Variants in ADGRL3 observed in about 807,000 individuals in gnomAD.
ADGRL3 encodes calcium-independent alpha-latrotoxin receptor 3.
ADGRL3 carries 62 observed loss-of-function variants against 153.5 expected under a neutral mutation model. The observed-to-expected ratio is 0.40, with a 90% CI of 0.33 to 0.50. ADGRL3 has a LOEUF of 0.50. Among genes scored for constraint, ADGRL3 ranks in the 20% least tolerant of loss-of-function variants. ADGRL3 has a pLI of 0.47. For missense variants in ADGRL3, 1,641 were observed against 1,859.4 expected, an observed-to-expected ratio of 0.88 and a Z score of 2.16; for synonymous variants, 710 against 672.5, an observed-to-expected ratio of 1.06 and a Z score of -0.86.
intron 8 of ADGRL3, among the ~76,000 whole-genome samples, chr4:61,774,357 CAAAAA>C (rs372436258): frequency 1.7e-5 from 1 of 60,192 alleles, no homozygotes; most frequent in African/African-American, 4.4e-5. Flanking sequence ...AACTCTGTCT[CAAAAA>C]AAAAAAAAAG....
chr4:61,987,149 A>T (rs201257357), intron 19 of ADGRL3, among the ~76,000 whole-genome samples: 255 of 33,260 alleles, frequency 7.7e-3, no homozygotes, highest in East Asian at 0.057. Context: ...ATTTTATTTT[A>T]TTTATTTTAT....
At chr4:61,794,765 C>A (rs757959477) in intron 8 of ADGRL3, among the ~76,000 whole-genome samples, 19 of 152,164 alleles carry the variant, frequency 1.2e-4, no homozygotes, top group Admixed American at 2.6e-4. Flanking sequence ...AGAGTCACTA[C>A]CTCATATGTA....
rs1214732799 is a variant in ADGRL3 at position 61,979,701 on chromosome 4, A to G, written c.2944A>G (p.Lys982Glu). Residue 982 changes from lysine (K) to glutamate (E), a missense_variant, in exon 18 of 27, where the codon AAG becomes GAG. Around this residue, in one of 5 missense-constraint regions of ADGRL3, gnomAD observed 734 missense variants for 797.0 expected, o/e 0.92. Transcript: ENST00000683033. The stretch of plus-strand genomic sequence containing the variant: ...CCAGAGTGACCGTAACACCATCCAC[A>G]AGAACCTCTGCATCAGTCTCTTTGT... ...GLQSDRNTIH[K>E]NLCISLFVAE... 2.5e-6 allele frequency: 4 copies of G among 1,613,858 alleles called. No homozygotes were observed. Among genetic ancestry groups the G allele is most frequent in the African/African-American group, 1.3e-5 (1 of 74,900 alleles).
At chr4:61,918,913 T>C (rs1323035570) in intron 13 of ADGRL3, among the ~76,000 whole-genome samples, 2 of 152,210 alleles carry the variant, frequency 1.3e-5, no homozygotes, top group Middle Eastern at 3.2e-3. Context: ...CCAGTTTTAC[T>C]TGCGTGCCTT....
At position 61,887,119 on chromosome 4, in the gene ADGRL3, C is replaced by G. The variant is rs1415032148; in HGVS notation, c.1481-5537C>G. ...ACCTCAGGTGATCTGCCCTCCTCAG[C>G]CTCCCAAAGTGCTGTGATTACAGGC... On this transcript the variant is annotated intron_variant, in intron 9 of 26. Coordinates refer to ENST00000683033, the MANE Select transcript of ADGRL3 (RefSeq NM_001387552.1). Among the ~76,000 whole-genome samples the G allele has an allele frequency of 7.2e-5, 11 of 152,208 alleles. No individual in the cohort carries two copies. In the South Asian group the frequency reaches 2.1e-3, roughly 29 times the overall value.
chr4:61,350,085 A>G (rs1424738835), intron 1 of ADGRL3, among the ~76,000 whole-genome samples: 1 of 152,180 alleles, frequency 6.6e-6, no homozygotes, highest in East Asian at 1.9e-4. Context: ...AACACTTACT[A>G]AGGACTAGGT....
chr4:61,396,638 CT>C (rs2096871878), intron 2 of ADGRL3, among the ~76,000 whole-genome samples: 1 of 151,934 alleles, frequency 6.6e-6, no homozygotes, highest in Admixed American at 6.6e-5. Flanking sequence ...ACAATTTTGA[CT>C]TTCCCAATCA....
At chr4:61,986,627 A>G (rs1560469773) in intron 19 of ADGRL3, among the ~76,000 whole-genome samples, 1 of 152,190 alleles carries the variant, frequency 6.6e-6, no homozygotes, top group African/African-American at 2.4e-5. Context: ...TTTTGCAATT[A>G]TCACTTTTTC....
intron 8 of ADGRL3, among the ~76,000 whole-genome samples, chr4:61,778,479 G>A (rs2097178288): frequency 6.6e-6 from 1 of 152,172 alleles, no homozygotes; most frequent in Admixed American, 6.5e-5. Flanking sequence ...AATAAAAGAA[G>A]AGTCAACCAT....
At chr4:61,298,953 A>G (rs1467090979) in intron 1 of ADGRL3, among the ~76,000 whole-genome samples, 1 of 152,172 alleles carries the variant, frequency 6.6e-6, no homozygotes, top group Non-Finnish European at 1.5e-5. Flanking sequence ...AAAAAATTGT[A>G]CCATTTGAAT....
intron 3 of ADGRL3, among the ~76,000 whole-genome samples, chr4:61,504,427 T>C (rs930938921): frequency 6.6e-6 from 1 of 152,244 alleles, no homozygotes; most frequent in Non-Finnish European, 1.5e-5. Context: ...GATACAAGCA[T>C]ACAATTTGTA....
intron 17 of ADGRL3, among the ~76,000 whole-genome samples, chr4:61,975,842 A>G (rs2099046020): frequency 6.6e-6 from 1 of 152,184 alleles, no homozygotes; most frequent in Non-Finnish European, 1.5e-5. Flanking sequence ...AACATTTTCA[A>G]GAATGAAGTT....
chr4:61,852,064 A>T (rs1472027471), intron 9 of ADGRL3, among the ~76,000 whole-genome samples: 3 of 152,162 alleles, frequency 2.0e-5, no homozygotes, highest in Non-Finnish European at 4.4e-5. Flanking sequence ...CATGTTGGGA[A>T]TCTTCGAGGG....
chr4:61,457,660 A>G (rs1043678462), intron 2 of ADGRL3, among the ~76,000 whole-genome samples: 4 of 151,878 alleles, frequency 2.6e-5, no homozygotes, highest in Admixed American at 2.0e-4. Flanking sequence ...TTATTCTACA[A>G]TGAGACCTGA....
chr4:61,372,877 C>G (rs1041973877), intron 1 of ADGRL3, among the ~76,000 whole-genome samples: 1 of 152,168 alleles, frequency 6.6e-6, no homozygotes, highest in Non-Finnish European at 1.5e-5. Context: ...TAGCAATCAG[C>G]GAGACTCCGT....
In ADGRL3 at chr4:61,411,603, T is replaced by C. The variant is rs771087452; in HGVS notation, c.-174+28414T>C. Among the ~76,000 whole-genome samples, 50 of 152,210 alleles carry C rather than the reference T, an allele frequency of 3.3e-4. 1 individual carries two copies. Among genetic ancestry groups the C allele is most frequent in the Non-Finnish European group, 6.8e-4 (46 of 68,036 alleles). ...GCTTCCAGGTTTGAGTCATTAATGA[T>C]ATTTCTGCAGCTTTACATACAATTT... is the stretch of plus-strand genomic sequence containing the variant. On this transcript the variant is annotated intron_variant, in intron 2 of 26. Transcript: ENST00000683033.
chr4:62,005,967 T>TACACACACACAC (rs59783179), intron 21 of ADGRL3, among the ~76,000 whole-genome samples: 857 of 67,666 alleles, frequency 0.013, 19 homozygotes, highest in Non-Finnish European at 0.014. Context: ...TATATACACA[T>TACACACACACAC]ACACACACAC....
intron 5 of ADGRL3, among the ~76,000 whole-genome samples, chr4:61,672,459 C>G (rs1271323267): frequency 6.6e-6 from 1 of 151,962 alleles, no homozygotes; most frequent in Non-Finnish European, 1.5e-5. Flanking sequence ...ATTTAAACAC[C>G]TCAATAGCAA....
intron 21 of ADGRL3, among the ~76,000 whole-genome samples, chr4:62,002,660 A>G (rs2099144549): frequency 6.6e-6 from 1 of 152,030 alleles, no homozygotes; most frequent in South Asian, 2.1e-4. Flanking sequence ...TTAAAATTAA[A>G]TAATACATGC....
Sources: allele counts gnomAD v4.1 joint callset (sites outside exome capture counted in the v4.1 genomes callset), GRCh38; gene constraint gnomAD v4.1.1; regional missense constraint gnomAD v4.1.1; transcripts MANE v1.5; gene names NCBI Gene and HGNC (gene_info 2026-07-23, HGNC 2026-07-21).